Variants in PCDH9 observed in about 807,000 individuals in gnomAD.
The protein encoded by PCDH9 is protocadherin 9.
Under a neutral mutation model 70.6 loss-of-function variants are expected in PCDH9, and 24 were observed. That is an observed-to-expected ratio of 0.34 (90% confidence interval 0.25 to 0.48). The LOEUF (loss-of-function observed/expected upper bound fraction) is 0.48, where lower values mean the gene tolerates loss of function less well. Among genes scored for constraint, PCDH9 ranks in the 20% least tolerant of loss-of-function variants. The pLI, the probability that PCDH9 is intolerant of heterozygous loss-of-function variation, is 0.99. For synonymous variants in PCDH9, 562 were observed against 558.5 expected (o/e 1.01, Z -0.09); for missense variants, 1,281 against 1,503.6 (o/e 0.85, Z 2.45).
chr13:67,034,979 C>A (rs1001809764), intron 2 of PCDH9, among the ~76,000 whole-genome samples: 1 of 151,384 alleles, frequency 6.6e-6, no homozygotes, highest in African/African-American at 2.4e-5. Context: ...CAAAATATGG[C>A]AGTTGTTCAG....
chr13:66,663,462 G>T (rs1349693196), intron 3 of PCDH9, among the ~76,000 whole-genome samples: 1 of 152,100 alleles, frequency 6.6e-6, no homozygotes, highest in Admixed American at 6.6e-5. Context: ...ATGATAAAAA[G>T]AGATTTGAGA....
At chr13:66,992,696 G>A (rs1281202050) in intron 2 of PCDH9, among the ~76,000 whole-genome samples, 1 of 152,070 alleles carries the variant, frequency 6.6e-6, no homozygotes, top group Non-Finnish European at 1.5e-5. Context: ...GAACAAGTTT[G>A]AACTAGTCAC....
intron 2 of PCDH9, among the ~76,000 whole-genome samples, chr13:67,042,338 C>A (rs1024869778): frequency 6.6e-6 from 1 of 152,066 alleles, no homozygotes; most frequent in Non-Finnish European, 1.5e-5. Context: ...AACTTACAAT[C>A]ATGGAGGAAG....
At chr13:66,421,748 C>A (rs1326805542) in intron 4 of PCDH9, among the ~76,000 whole-genome samples, 2 of 152,114 alleles carry the variant, frequency 1.3e-5, no homozygotes, top group Non-Finnish European at 2.9e-5. Flanking sequence ...GAAGAAACTG[C>A]ACCAACTGGG....
chr13:66,843,396 G>A (rs4884705), intron 3 of PCDH9, among the ~76,000 whole-genome samples: 48,264 of 151,874 alleles, frequency 0.32, 8,067 homozygotes, highest in Non-Finnish European at 0.37. Context: ...TTACACACAC[G>A]TTATAAAATG....
chr13:66,486,697 T>C (rs1399798035), intron 4 of PCDH9, among the ~76,000 whole-genome samples: 1 of 151,702 alleles, frequency 6.6e-6, no homozygotes, highest in Non-Finnish European at 1.5e-5. Context: ...AGATATGTAA[T>C]ATGCATGATC....
At chr13:66,874,478 T>G (rs1353296231) in intron 3 of PCDH9, among the ~76,000 whole-genome samples, 4 of 152,176 alleles carry the variant, frequency 2.6e-5, no homozygotes, top group Non-Finnish European at 5.9e-5. Context: ...TAAACATACT[T>G]CATGGATCTT....
intron 2 of PCDH9, among the ~76,000 whole-genome samples, chr13:67,106,744 T>C (rs1288825824): frequency 6.6e-6 from 1 of 152,206 alleles, no homozygotes; most frequent in Non-Finnish European, 1.5e-5. Context: ...GAAACCCTTC[T>C]GCCCCTGCAG....
intron 2 of PCDH9, among the ~76,000 whole-genome samples, chr13:67,045,746 T>C (rs1321032986): frequency 6.6e-6 from 1 of 152,142 alleles, no homozygotes; most frequent in Non-Finnish European, 1.5e-5. Flanking sequence ...AACATGTAAT[T>C]GAATATGATG....
At chr13:66,557,275 A>C (rs1050975578) in intron 4 of PCDH9, among the ~76,000 whole-genome samples, 4 of 152,208 alleles carry the variant, frequency 2.6e-5, no homozygotes, top group South Asian at 2.1e-4. Context: ...ATTATGTATC[A>C]GTTAGATTTG....
At chr13:66,322,111 G>A (rs1456974743) in intron 4 of PCDH9, among the ~76,000 whole-genome samples, 1 of 151,802 alleles carries the variant, frequency 6.6e-6, no homozygotes, top group Non-Finnish European at 1.5e-5. Flanking sequence ...CTAAATTGGT[G>A]TCACATTATG....
At chr13:66,627,566 C>G (rs1209951483) in intron 4 of PCDH9, among the ~76,000 whole-genome samples, 1 of 152,188 alleles carries the variant, frequency 6.6e-6, no homozygotes, top group East Asian at 1.9e-4. Flanking sequence ...AAGAGAACTG[C>G]TGGCCTCTAG....
intron 2 of PCDH9, among the ~76,000 whole-genome samples, chr13:66,904,291 T>C (rs978801547): frequency 6.6e-6 from 1 of 152,042 alleles, no homozygotes. Context: ...GGCTTGGCCT[T>C]TCTCTGTGAA....
At chr13:66,872,357 C>A (rs1363489087) in intron 3 of PCDH9, among the ~76,000 whole-genome samples, 1 of 152,032 alleles carries the variant, frequency 6.6e-6, no homozygotes, top group South Asian at 2.1e-4. Flanking sequence ...TTTCACATGC[C>A]CTTTTCAATT....
chr13:67,216,525 T>C (rs1196046116), intron 2 of PCDH9: 6 of 151,118 alleles, frequency 4.0e-5, no homozygotes, highest in African/African-American at 1.5e-4. Flanking sequence ...ATTCCTTAAC[T>C]TGGAAAAAGG....
rs978109221 is a variant in PCDH9, at chr13:66,455,902, G to C, written c.3341-150874C>G. On this transcript the variant is annotated intron_variant, in intron 4 of 4. Transcript: ENST00000377865. Reference sequence around the variant, plus strand: ...CCATGTTCAATATTTTAGTCTAAAGGTAAGAGATTCATAGCCTACAGCCCA... The same window carrying C: ...CCATGTTCAATATTTTAGTCTAAAGCTAAGAGATTCATAGCCTACAGCCCA... Among the ~76,000 whole-genome samples, 9 of 152,170 alleles carry C rather than the reference G, an allele frequency of 5.9e-5. No individual in the cohort carries two copies. The East Asian group carries it at 1.4e-3, about 23-fold the overall frequency.
At chr13:66,850,911 T>C (rs2081304637) in intron 3 of PCDH9, among the ~76,000 whole-genome samples, 1 of 152,212 alleles carries the variant, frequency 6.6e-6, no homozygotes, top group African/African-American at 2.4e-5. Context: ...CAGTGTTAAA[T>C]GCTTTGAAAT....
At chr13:66,877,441 G>A (rs2081836714) in intron 3 of PCDH9, among the ~76,000 whole-genome samples, 1 of 150,764 alleles carries the variant, frequency 6.6e-6, no homozygotes, top group African/African-American at 2.4e-5. Flanking sequence ...TTCCCAAAGT[G>A]CTTTTAAATT....
intron 3 of PCDH9, among the ~76,000 whole-genome samples, chr13:66,803,938 A>G (rs2080368654): frequency 6.6e-6 from 1 of 152,134 alleles, no homozygotes; most frequent in African/African-American, 2.4e-5. Context: ...TCTTGGTGTA[A>G]TAACCAGTTG....
Sources: allele counts gnomAD v4.1 joint callset (sites outside exome capture counted in the v4.1 genomes callset), GRCh38; gene constraint gnomAD v4.1.1; transcripts MANE v1.5; gene names NCBI Gene and HGNC (gene_info 2026-07-23, HGNC 2026-07-21).